UNC5C: variants seen among roughly 807,000 people sequenced by gnomAD.
UNC5C encodes netrin receptor UNC5C.
UNC5C carries 47 observed loss-of-function variants against 99.8 expected under a neutral mutation model. The observed-to-expected ratio is 0.47, with a 90% CI of 0.37 to 0.60. The LOEUF is 0.60. Ranked by LOEUF, UNC5C falls within the 20% of genes least tolerant of loss-of-function variation. The probability of loss-of-function intolerance (pLI) is 0.00; values close to 1 mark genes in which losing one functional copy is unlikely to be tolerated. For synonymous variants in UNC5C, 487 were observed against 452.2 expected (o/e 1.08, Z -0.98); for missense variants, 1,062 against 1,165.9 (o/e 0.91, Z 1.30).
intron 7 of UNC5C, among the ~76,000 whole-genome samples, chr4:95,239,611 T>C (rs956065216): frequency 6.6e-6 from 1 of 152,184 alleles, no homozygotes; most frequent in Non-Finnish European, 1.5e-5. Flanking sequence ...TGCAGCTTCA[T>C]TTTTGGCATT....
intron 1 of UNC5C, among the ~76,000 whole-genome samples, chr4:95,488,199 G>T (rs928800601): frequency 3.3e-5 from 5 of 151,532 alleles, no homozygotes; most frequent in Non-Finnish European, 7.4e-5. Flanking sequence ...TGATATTAAG[G>T]TTATTTATTT....
At chr4:95,517,771 C>T (rs905177409) in intron 1 of UNC5C, among the ~76,000 whole-genome samples, 2 of 152,158 alleles carry the variant, frequency 1.3e-5, no homozygotes, top group Non-Finnish European at 2.9e-5. Flanking sequence ...AGTGCAAATA[C>T]ATTCTTTATG....
chr4:95,420,741 G>T (rs544523206), intron 1 of UNC5C, among the ~76,000 whole-genome samples: 1 of 152,168 alleles, frequency 6.6e-6, no homozygotes, highest in East Asian at 1.9e-4. Flanking sequence ...ATCACTGTGG[G>T]TGACATGGAA....
intron 1 of UNC5C, among the ~76,000 whole-genome samples, chr4:95,442,717 A>G (rs1746986067): frequency 6.6e-6 from 1 of 152,144 alleles, no homozygotes; most frequent in Non-Finnish European, 1.5e-5. Flanking sequence ...AATCAATCAC[A>G]AATGTAGCCT....
chr4:95,330,348 T>A (rs1743062956), intron 2 of UNC5C, among the ~76,000 whole-genome samples: 1 of 152,146 alleles, frequency 6.6e-6, no homozygotes, highest in Non-Finnish European at 1.5e-5. Context: ...ATTAGACATT[T>A]AAACATATTC....
intron 1 of UNC5C, among the ~76,000 whole-genome samples, chr4:95,481,784 G>A (rs1301245210): frequency 6.6e-6 from 1 of 152,132 alleles, no homozygotes; most frequent in Non-Finnish European, 1.5e-5. Context: ...AATAAATAGT[G>A]CTGGGAAAAC....
intron 1 of UNC5C, among the ~76,000 whole-genome samples, chr4:95,394,322 A>AT (rs1434302339): frequency 2.0e-5 from 3 of 152,008 alleles, no homozygotes; most frequent in Admixed American, 2.0e-4. Flanking sequence ...AATCTCACGA[A>AT]TGGGGGGTGC....
intron 10 of UNC5C, among the ~76,000 whole-genome samples, chr4:95,209,914 T>G (rs1230698964): frequency 6.6e-6 from 1 of 152,174 alleles, no homozygotes; most frequent in South Asian, 2.1e-4. Context: ...CCTTGAGAAG[T>G]GAACATTAAA....
At chr4:95,191,348 T>C (rs534645969) in intron 12 of UNC5C, among the ~76,000 whole-genome samples, 10 of 152,302 alleles carry the variant, frequency 6.6e-5, no homozygotes, top group Admixed American at 2.0e-4. Flanking sequence ...GAGTGGCATA[T>C]ACTTGGATGC....
At chr4:95,442,864 A>G (rs1206878040) in intron 1 of UNC5C, among the ~76,000 whole-genome samples, 2 of 152,130 alleles carry the variant, frequency 1.3e-5, no homozygotes, top group African/African-American at 4.8e-5. Context: ...TCATGCAAAT[A>G]TATGCTATGT....
intron 4 of UNC5C, among the ~76,000 whole-genome samples, chr4:95,259,399 A>C (rs1740136231): frequency 6.6e-6 from 1 of 152,224 alleles, no homozygotes; most frequent in Admixed American, 6.5e-5. Context: ...TAAAAGAGAA[A>C]TGGTGTTAAT....
chr4:95,226,138 C>T (rs562034383), intron 7 of UNC5C, among the ~76,000 whole-genome samples: 5 of 152,240 alleles, frequency 3.3e-5, no homozygotes, highest in Admixed American at 1.3e-4. Flanking sequence ...CGGTTGCTAC[C>T]GACAGCCTGG....
At chr4:95,284,089 AT>A (rs1265610067) in intron 3 of UNC5C, among the ~76,000 whole-genome samples, 1 of 152,104 alleles carries the variant, frequency 6.6e-6, no homozygotes, top group Non-Finnish European at 1.5e-5. Context: ...ACAAAGTCTC[AT>A]TTTTTGGGTG....
At chr4:95,195,437 G>A (rs1163613046) in intron 12 of UNC5C, among the ~76,000 whole-genome samples, 1 of 152,212 alleles carries the variant, frequency 6.6e-6, no homozygotes, top group African/African-American at 2.4e-5. Flanking sequence ...CCAGAGGCCA[G>A]GATCCTGAAA....
chr4:95,471,244 C>A (rs1747958886), intron 1 of UNC5C, among the ~76,000 whole-genome samples: 1 of 151,934 alleles, frequency 6.6e-6, no homozygotes, highest in South Asian at 2.1e-4. Context: ...ATAAAAATAA[C>A]CTAAATATAT....
chr4:95,180,801 C>T (rs541232638), intron 14 of UNC5C, among the ~76,000 whole-genome samples: 4 of 152,136 alleles, frequency 2.6e-5, no homozygotes, highest in Admixed American at 6.5e-5. Flanking sequence ...GACATTGGAA[C>T]GGGAACCCCA....
intron 1 of UNC5C, among the ~76,000 whole-genome samples, chr4:95,455,023 C>A (rs1686012276): frequency 6.6e-6 from 1 of 151,966 alleles, no homozygotes; most frequent in Non-Finnish European, 1.5e-5. Flanking sequence ...AGAAATTATA[C>A]TGCTCTCTTA....
At chr4:95,493,430 G>A (rs528563104) in intron 1 of UNC5C, among the ~76,000 whole-genome samples, 20 of 151,478 alleles carry the variant, frequency 1.3e-4, no homozygotes, top group Admixed American at 6.6e-4. Context: ...ATTGCGAACC[G>A]AAGTTTTATT....
chr4:95,406,449 G>A (rs956576160), intron 1 of UNC5C, among the ~76,000 whole-genome samples: 1 of 152,116 alleles, frequency 6.6e-6, no homozygotes. Context: ...AAAAGTTATT[G>A]TTTGATTCCA....
Sources: gnomAD v4.1 joint callset for allele counts (sites outside exome capture counted in the v4.1 genomes callset) on GRCh38, gnomAD v4.1.1 for gene constraint, MANE v1.5 for transcripts, NCBI Gene and HGNC (gene_info 2026-07-23, HGNC 2026-07-21) for gene names.